The following ANKIB1 variants were observed in gnomAD, a reference collection of about 807,000 sequenced individuals.
ANKIB1 encodes the protein ankyrin repeat and IBR domain containing 1, also known as ankyrin repeat and IBR domain-containing protein 1.
ANKIB1 carries 43 observed loss-of-function variants against 122.1 expected under a neutral mutation model. The observed-to-expected ratio is 0.35, with a 90% confidence interval of 0.28 to 0.45. The LOEUF is 0.45. Ranked by LOEUF, ANKIB1 falls within the 20% of genes least tolerant of loss-of-function variation. The probability of loss-of-function intolerance (pLI) is 1.00; values close to 1 mark genes in which losing one functional copy is unlikely to be tolerated. For missense variants in ANKIB1, 992 were observed against 1,329.5 expected, an observed-to-expected ratio of 0.75 and a Z score of 3.95; for synonymous variants, 390 against 442.0, an observed-to-expected ratio of 0.88 and a Z score of 1.48.
At chr7:92,324,032 C>T (rs1235381363) in intron 4 of ANKIB1, among the ~76,000 whole-genome samples, 2 of 152,066 alleles carry the variant, frequency 1.3e-5, no homozygotes, top group African/African-American at 2.4e-5. Context: ...GAATAAGGAG[C>T]GAGAAAACTA....
chr7:92,309,962 T>TATAAAA (rs1030276754), intron 3 of ANKIB1, among the ~76,000 whole-genome samples: 6 of 139,416 alleles, frequency 4.3e-5, no homozygotes, highest in African/African-American at 1.6e-4. Flanking sequence ...TATATATATA[T>TATAAAA]AAATTAAATG....
intron 1 of ANKIB1, among the ~76,000 whole-genome samples, chr7:92,285,840 A>T (rs1361810241): frequency 2.0e-5 from 3 of 152,264 alleles, no homozygotes; most frequent in Non-Finnish European, 4.4e-5. Context: ...CAAAGGGTTC[A>T]GCCCTACCTA....
chr7:92,318,194 A>G (rs1244574879), intron 3 of ANKIB1, among the ~76,000 whole-genome samples: 1 of 152,176 alleles, frequency 6.6e-6, no homozygotes, highest in Non-Finnish European at 1.5e-5. Context: ...CTGTTACTAT[A>G]TTATTATGAG....
rs779694211 is a variant in ANKIB1, at chr7:92,398,823, G to T, written c.3144G>T (p.Ala1048=). 2 of 1,605,130 alleles carry T rather than the reference G, an allele frequency of 1.2e-6. No homozygotes were observed. The highest frequency in any genetic ancestry group is 1.7e-6 in the Non-Finnish European group (2 of 1,175,558). ...EENPLEENIL[A]GEAASQAGDS... ...ATCCTTTGGAAGAAAATATTCTGGC[G>T]GGGGAAGCAGCATCTCAAGCTGGTG... Residue 1048 remains alanine, a synonymous_variant, in exon 20 of 20, where the codon GCG becomes GCT. Coordinates refer to ENST00000265742, the MANE Select transcript of ANKIB1 (RefSeq NM_019004.2).
Position 92,398,328 on chromosome 7 carries a change from A to G in ANKIB1, c.2649A>G (p.Ala883=). The change falls in exon 20 of 20, where the codon GCA becomes GCG. Residue 883 remains alanine (A), a synonymous_variant. Coordinates refer to ENST00000265742, the MANE Select transcript of ANKIB1 (RefSeq NM_019004.2). The part of the protein sequence containing the change: ...EETRDFLSNE[A]SLGAIGTSLP... ...CTAGAGACTTCCTCAGTAATGAAGC[A>G]TCCTTAGGTGCGATAGGCACTTCTT... is the stretch of plus-strand genomic sequence containing the variant. 6.2e-7 allele frequency: 1 copy of G among 1,613,726 alleles called. No homozygotes were observed. The highest frequency in any genetic ancestry group is 8.5e-7 in the Non-Finnish European group (1 of 1,179,758).
chr7:92,284,883 C>A (rs549313226), intron 1 of ANKIB1, among the ~76,000 whole-genome samples: 22 of 152,324 alleles, frequency 1.4e-4, no homozygotes, highest in Non-Finnish European at 2.8e-4. Flanking sequence ...ACAACTGGTC[C>A]TTCAAGGGTT....
Position 92,246,171 on chromosome 7 carries a change from G to A in ANKIB1, c.-439G>A, listed in dbSNP as rs73407592. 6,111 of 347,790 alleles carry A rather than the reference G, an allele frequency of 0.018. 274 individuals carry two copies. Among genetic ancestry groups the A allele is most frequent in the African/African-American group, 0.11 (4,849 of 42,832 alleles). 21.5% of individuals were successfully genotyped at this position (347,790 alleles called of 1,614,324 possible). On this transcript the variant is annotated 5_prime_UTR_variant, in exon 1 of 20. Transcript: ENST00000265742. The stretch of plus-strand genomic sequence containing the variant: ...GCGCGCAAGGCTGGAACATGAGCCG[G>A]GCTTGACCGCGAGGCGGAGGCAAGA...
At chr7:92,255,310 T>C (rs923128241) in intron 1 of ANKIB1, among the ~76,000 whole-genome samples, 18 of 152,224 alleles carry the variant, frequency 1.2e-4, no homozygotes, top group Admixed American at 7.9e-4. Flanking sequence ...GTAATCATGT[T>C]CAGCGGCCAC....
intron 1 of ANKIB1, among the ~76,000 whole-genome samples, chr7:92,255,942 A>G (rs1057178450): frequency 6.6e-6 from 1 of 152,204 alleles, no homozygotes; most frequent in East Asian, 1.9e-4. Flanking sequence ...ATATGGTGTG[A>G]TTCTCATCCT....
intron 18 of ANKIB1, 81 bp from the exon 19 acceptor site, chr7:92,397,642 C>A: frequency 6.5e-7 from 1 of 1,537,100 alleles, no homozygotes; most frequent in Non-Finnish European, 8.8e-7. Context: ...AATTGCCCAT[C>A]TAAACAACCA....
At chr7:92,363,918 T>C (rs1301976916) in intron 10 of ANKIB1, among the ~76,000 whole-genome samples, 1 of 152,226 alleles carries the variant, frequency 6.6e-6, no homozygotes, top group African/African-American at 2.4e-5. Flanking sequence ...AGGCTTCATG[T>C]CCATTATCAG....
intron 1 of ANKIB1, among the ~76,000 whole-genome samples, chr7:92,255,486 T>C (rs1475368156): frequency 6.6e-6 from 1 of 152,188 alleles, no homozygotes; most frequent in Non-Finnish European, 1.5e-5. Context: ...CCTCGTGGTC[T>C]TCAGATGGCA....
intron 11 of ANKIB1, among the ~76,000 whole-genome samples, chr7:92,379,914 C>T (rs956941034): frequency 1.7e-4 from 26 of 152,142 alleles, no homozygotes; most frequent in Middle Eastern, 3.4e-3. Context: ...GTGCAGCACA[C>T]GAAGGGCAAG....
chr7:92,247,519 A>C (rs920403593), intron 1 of ANKIB1, among the ~76,000 whole-genome samples: 1 of 152,214 alleles, frequency 6.6e-6, no homozygotes, highest in Non-Finnish European at 1.5e-5. Context: ...CTTGGTGCCT[A>C]TGACCCTCCT....
At position 92,264,071 on chromosome 7, in the gene ANKIB1, C is replaced by T. The variant is rs117367439; in HGVS notation, c.-91+17552C>T. Among the ~76,000 whole-genome samples, 244 of 151,980 alleles carry T rather than the reference C, an allele frequency of 1.6e-3. 7 individuals carry two copies. The East Asian group carries it at 0.04, about 25-fold the overall frequency. The stretch of plus-strand genomic sequence containing the variant: ...GCACAGTGTTCCATTGTATGATTAA[C>T]CATCACTTATTTTATCTATCCTAGT... On this transcript the variant is annotated intron_variant, in intron 1 of 19. Transcript: ENST00000265742.
chr7:92,382,795 C>T (rs1804547208), intron 11 of ANKIB1, among the ~76,000 whole-genome samples: 1 of 152,106 alleles, frequency 6.6e-6, no homozygotes, highest in Non-Finnish European at 1.5e-5. Flanking sequence ...CAGGAAAGAT[C>T]TAAAATTGAC....
At chr7:92,398,173 A>G in intron 19 of ANKIB1, 39 bp from the exon 20 acceptor site, 2 of 1,525,936 alleles carry the variant, frequency 1.3e-6, no homozygotes, top group Non-Finnish European at 1.8e-6. Context: ...AGTTTTTTTC[A>G]GTCAAATTTT....
chr7:92,354,394 G>T (rs1803741198), intron 9 of ANKIB1, among the ~76,000 whole-genome samples: 1 of 152,140 alleles, frequency 6.6e-6, no homozygotes, highest in Non-Finnish European at 1.5e-5. Flanking sequence ...AAACTCACAT[G>T]TGAGTCCATG....
chr7:92,364,746 T>C (rs1369782259), intron 10 of ANKIB1, among the ~76,000 whole-genome samples: 1 of 152,214 alleles, frequency 6.6e-6, no homozygotes, highest in African/African-American at 2.4e-5. Flanking sequence ...AAGTGTGTTA[T>C]TTTAGTAGAG....
Sources: allele counts gnomAD v4.1 joint callset (sites outside exome capture counted in the v4.1 genomes callset), GRCh38; gene constraint gnomAD v4.1.1; transcripts MANE v1.5; gene names NCBI Gene and HGNC (gene_info 2026-07-23, HGNC 2026-07-21).